The following DTNB variants were observed in gnomAD, a reference collection of about 807,000 sequenced individuals.
The protein encoded by DTNB is DTN-B.
A neutral mutation model predicts 90.7 loss-of-function variants in DTNB; 63 were observed. That is an observed-to-expected ratio of 0.69 (90% CI 0.57 to 0.86). The LOEUF (loss-of-function observed/expected upper bound fraction) is 0.86. Among genes scored for constraint, DTNB ranks in the 40% least tolerant of loss-of-function variants. The pLI, the probability that DTNB is intolerant of heterozygous loss-of-function variation, is 0.00. For synonymous variants in DTNB, 277 were observed against 286.7 expected, an observed-to-expected ratio of 0.97 and a Z score of 0.34; for missense variants, 744 against 807.1, an observed-to-expected ratio of 0.92 and a Z score of 0.95.
At chr2:25,592,574 C>CAA (rs573694053) in intron 6 of DTNB, among the ~76,000 whole-genome samples, 1 of 135,456 alleles carries the variant, frequency 7.4e-6, no homozygotes, top group Non-Finnish European at 1.6e-5. Flanking sequence ...GTTTCCCAGG[C>CAA]AAAAAAAAAA....
intron 3 of DTNB, among the ~76,000 whole-genome samples, chr2:25,636,507 C>T (rs983081278): frequency 1.3e-5 from 2 of 152,086 alleles, no homozygotes; most frequent in Non-Finnish European, 2.9e-5. Flanking sequence ...ATTATAAAAA[C>T]GAGAGTTGTT....
intron 9 of DTNB, among the ~76,000 whole-genome samples, chr2:25,521,386 ATTT>A (rs58602052): frequency 1.7e-4 from 24 of 137,938 alleles, no homozygotes; most frequent in African/African-American, 5.1e-4. Context: ...TGTCCCAATA[ATTT>A]TTTTTTTTTT....
At chr2:25,597,624 C>T (rs1341557800) in intron 5 of DTNB, among the ~76,000 whole-genome samples, 1 of 152,168 alleles carries the variant, frequency 6.6e-6, no homozygotes, top group Non-Finnish European at 1.5e-5. Flanking sequence ...CCTCTCATGA[C>T]AGCTGCTAGT....
At chr2:25,625,227 G>T (rs571297262) in intron 4 of DTNB, among the ~76,000 whole-genome samples, 29 of 152,312 alleles carry the variant, frequency 1.9e-4, no homozygotes, top group Non-Finnish European at 3.1e-4. Context: ...TAACTAGGTT[G>T]TCTATGTATA....
intron 12 of DTNB, among the ~76,000 whole-genome samples, chr2:25,448,689 C>T (rs2058788373): frequency 6.6e-6 from 1 of 151,910 alleles, no homozygotes. Flanking sequence ...CCCATCTCTA[C>T]TAAAAATACA....
intron 11 of DTNB, among the ~76,000 whole-genome samples, chr2:25,452,474 T>G (rs1012306410): frequency 1.3e-5 from 2 of 152,230 alleles, no homozygotes; most frequent in Non-Finnish European, 2.9e-5. Context: ...GGCAGATGCT[T>G]TAAGACGACA....
intron 7 of DTNB, among the ~76,000 whole-genome samples, chr2:25,578,997 TTC>T (rs1337374808): frequency 1.3e-5 from 2 of 152,164 alleles, no homozygotes; most frequent in African/African-American, 2.4e-5. Flanking sequence ...TTTATAACAT[TTC>T]TGTCTCTGAT....
intron 10 of DTNB, among the ~76,000 whole-genome samples, chr2:25,475,525 G>A (rs1174889076): frequency 6.6e-6 from 1 of 152,258 alleles, no homozygotes; most frequent in Non-Finnish European, 1.5e-5. Context: ...TGCTGATGGA[G>A]AAGCTGCAGC....
chr2:25,530,332 G>A (rs1447538725), intron 9 of DTNB, among the ~76,000 whole-genome samples: 1 of 152,152 alleles, frequency 6.6e-6, no homozygotes. Context: ...AGCTACTTGT[G>A]AGGCTGAAGT....
At chr2:25,562,923 C>A (rs2058476445) in intron 8 of DTNB, among the ~76,000 whole-genome samples, 1 of 152,156 alleles carries the variant, frequency 6.6e-6, no homozygotes, top group African/African-American at 2.4e-5. Context: ...GCACCCACCA[C>A]CACACCTGGC....
In DTNB at chr2:25,445,248, C is replaced by T. The variant is rs181564323; in HGVS notation, c.1257+6300G>A. Among the ~76,000 whole-genome samples the T allele has an allele frequency of 2.7e-4, 40 of 146,198 alleles. 1 individual carries two copies. Among genetic ancestry groups the T allele is most frequent in the Admixed American group, 2.4e-3 (36 of 14,780 alleles). The stretch of plus-strand genomic sequence containing the variant: ...TTTATACATTTTAATGTCTAAAATA[C>T]CTAGAGCAGTTGTGACTGACTGAGG... On this transcript the variant is annotated intron_variant, in intron 12 of 20. Transcript: ENST00000406818.
At chr2:25,647,732 C>A in intron 2 of DTNB, among the ~76,000 whole-genome samples, 1 of 151,320 alleles carries the variant, frequency 6.6e-6, no homozygotes, top group South Asian at 2.1e-4. Context: ...ATCAACCAAC[C>A]AACTGATCAA....
chr2:25,450,310 T>C (rs555773081), intron 12 of DTNB, among the ~76,000 whole-genome samples: 44 of 152,220 alleles, frequency 2.9e-4, no homozygotes, highest in Non-Finnish European at 4.4e-4. Context: ...AAGAGTTTCC[T>C]TTTCTGACTG....
chr2:25,406,404 G>A lies in DTNB; in HGVS notation c.1575+13111C>T, dbSNP rs2045183203. On this transcript the variant is annotated intron_variant, in intron 16 of 20. Transcript: ENST00000406818. ...AAAAAAATTAGCCAGGTGTGGTGGT[G>A]CATGCCTGTAATTCCAGCTGCTTGG... is the stretch of plus-strand genomic sequence containing the variant. 2.0e-5 allele frequency among the ~76,000 whole-genome samples: 3 copies of A among 151,960 alleles called. No individual in the cohort carries two copies. The South Asian group carries it at 6.2e-4, about 32-fold the overall frequency.
chr2:25,671,278 G>A (rs908832895), intron 1 of DTNB, among the ~76,000 whole-genome samples: 2 of 152,172 alleles, frequency 1.3e-5, no homozygotes, highest in Non-Finnish European at 2.9e-5. Flanking sequence ...CTAATGGGGG[G>A]ACTACTGTAC....
At chr2:25,632,130 G>C (rs1309161314) in intron 3 of DTNB, among the ~76,000 whole-genome samples, 4 of 147,598 alleles carry the variant, frequency 2.7e-5, no homozygotes, top group African/African-American at 1.0e-4. Flanking sequence ...GGGAGGCGAA[G>C]TGCAGTAAGC....
At chr2:25,571,324 C>T (rs1559073218) in intron 8 of DTNB, among the ~76,000 whole-genome samples, 1 of 152,228 alleles carries the variant, frequency 6.6e-6, no homozygotes, top group East Asian at 1.9e-4. Context: ...CTAGACTGAC[C>T]ATTTAAAAAT....
intron 8 of DTNB, among the ~76,000 whole-genome samples, chr2:25,552,384 T>A (rs1180376305): frequency 6.6e-6 from 1 of 152,228 alleles, no homozygotes. Context: ...ATCCAGCACC[T>A]GGAACCCTAC....
At chr2:25,457,096 G>A (rs1464654077) in intron 10 of DTNB, among the ~76,000 whole-genome samples, 2 of 151,758 alleles carry the variant, frequency 1.3e-5, no homozygotes, top group Non-Finnish European at 2.9e-5. Context: ...TGAAACCTCC[G>A]CCTCCCAAGT....
Sources: allele counts gnomAD v4.1 joint callset (sites outside exome capture counted in the v4.1 genomes callset), GRCh38; gene constraint gnomAD v4.1.1; transcripts MANE v1.5; gene names NCBI Gene and HGNC (gene_info 2026-07-23, HGNC 2026-07-21).